CCDC163: variants seen among roughly 807,000 people sequenced by gnomAD.
The protein encoded by CCDC163 is transmembrane protein CCDC163.
CCDC163 carries 13 observed loss-of-function variants against 8.2 expected under a neutral mutation model. The ratio of observed to expected loss-of-function variants is 1.59; its 90% CI spans 1.04 to 2.54. CCDC163 has a LOEUF of 2.54. Among genes scored for constraint, CCDC163 ranks in the 30% most tolerant of loss-of-function variants. CCDC163 has a pLI of 0.00. For synonymous variants in CCDC163, 41 were observed against 30.9 expected (o/e 1.33, Z -1.08); for missense variants, 117 against 78.6 (o/e 1.49, Z -1.85).
chr1:45,499,330 AG>A lies in CCDC163; in HGVS notation c.177+14del, dbSNP rs776036471. On this transcript the variant is annotated intron_variant, in intron 2 of 4. Transcript: ENST00000629482. ...AAAGAGAAAGGGCTTGGAAGTAGAA[AG>A]AGACATTACTTACCTGCGGTGGAGA... 2.6e-6 allele frequency: 2 copies of A among 767,960 alleles called. No individual in the cohort carries two copies. Among genetic ancestry groups the A allele is most frequent in the African/African-American group, 3.4e-5 (2 of 58,912 alleles). 47.6% of individuals were successfully genotyped at this position (767,960 alleles called of 1,614,324 possible).
chr1:45,500,017 C>T lies in CCDC163; in HGVS notation c.-408G>A. ...CTTTGGACTGGCTGCCGCAGCGCCACCTGGGAAACTGAGGTCGCCTCTTGC... is the reference window on the plus strand; with the variant it reads ...CTTTGGACTGGCTGCCGCAGCGCCATCTGGGAAACTGAGGTCGCCTCTTGC... On this transcript the variant is annotated 5_prime_UTR_variant, in exon 1 of 5. The change creates a new upstream start codon in the 5' untranslated region. Coordinates refer to ENST00000629482, the MANE Select transcript of CCDC163 (RefSeq NM_001102601.3). 1.9e-6 allele frequency: 1 copy of T among 514,844 alleles called. No homozygotes were observed. Among genetic ancestry groups the T allele is most frequent in the South Asian group, 2.1e-5 (1 of 47,936 alleles). The allele number at this position is 514,844 out of a possible 1,614,324, so 31.9% of individuals were successfully genotyped here.
chr1:45,499,452 G>T lies in CCDC163; in HGVS notation c.79-9C>A, dbSNP rs375188001. 2.6e-6 allele frequency: 2 copies of T among 778,848 alleles called. No homozygotes were observed. Among genetic ancestry groups the T allele is most frequent in the Non-Finnish European group, 2.4e-6 (1 of 417,066 alleles). The allele number at this position is 778,848 out of a possible 1,614,324, so 48.2% of individuals were successfully genotyped here. On this transcript the variant is annotated splice_polypyrimidine_tract_variant and intron_variant, in intron 1 of 4. Transcript: ENST00000629482. ...AGAGGATACAGCCACTGCTACAAAA[G>T]AAACAGATGCACAGGCCAATGAACT... is the stretch of plus-strand genomic sequence containing the variant.
rs1211396425 is a variant in CCDC163, at chr1:45,499,454, A to C, written c.79-11T>G. 1.3e-6 allele frequency: 1 copy of C among 778,920 alleles called. No individual in the cohort carries two copies. Among genetic ancestry groups the C allele is most frequent in the Non-Finnish European group, 2.4e-6 (1 of 417,092 alleles). The allele number at this position is 778,920 out of a possible 1,614,324, so 48.3% of individuals were successfully genotyped here. On this transcript the variant is annotated splice_polypyrimidine_tract_variant and intron_variant, in intron 1 of 4. Transcript: ENST00000629482. ...AGGATACAGCCACTGCTACAAAAGAAACAGATGCACAGGCCAATGAACTCT... is the reference window on the plus strand; with the variant it reads ...AGGATACAGCCACTGCTACAAAAGACACAGATGCACAGGCCAATGAACTCT...
rs143936141 is a variant in CCDC163, at chr1:45,500,058, T to C, written c.-449A>G. 3.6e-6 allele frequency: 2 copies of C among 549,498 alleles called. No homozygotes were observed. Among genetic ancestry groups the C allele is most frequent in the Admixed American group, 3.1e-5 (1 of 32,648 alleles). The allele number at this position is 549,498 out of a possible 1,614,324, so 34.0% of individuals were successfully genotyped here. ...CGCCTCTTGCGAACACAACCGGCGA[T>C]GGAGGCGGTGGAACTACCTTTCTCT... On this transcript the variant is annotated 5_prime_UTR_variant, in exon 1 of 5. Transcript: ENST00000629482.
At chr1:45,495,556 G>T in intron 4 of CCDC163, 1 of 702,146 alleles carries the variant, frequency 1.4e-6, no homozygotes, top group South Asian at 1.5e-5. Flanking sequence ...CTGGAAAGGG[G>T]AACAGAACCA....
Position 45,499,604 on chromosome 1 carries a change from A to T in CCDC163, c.6T>A (p.Asn2Lys). MNTSLSWFEQLD... is the reference protein window; with the variant it reads MKTSLSWFEQLD... ...GCTGCTCAAACCAGCTGAGGCTCGTATTCATATCCTGTGGCAGGGGAGCGG... is the reference window on the plus strand; with the variant it reads ...GCTGCTCAAACCAGCTGAGGCTCGTTTTCATATCCTGTGGCAGGGGAGCGG... Residue 2 changes from asparagine (N) to lysine (K), a missense_variant, in exon 1 of 5, where the codon AAT (asparagine) becomes AAA (lysine). Transcript: ENST00000629482. 2 of 770,554 alleles carry T rather than the reference A, an allele frequency of 2.6e-6. No homozygotes were observed. The highest frequency in any genetic ancestry group is 2.8e-5 in the South Asian group (2 of 72,620). 47.7% of individuals were successfully genotyped at this position (770,554 alleles called of 1,614,324 possible).
chr1:45,496,020 A>G (rs2149315026), intron 4 of CCDC163, among the ~76,000 whole-genome samples: 1 of 152,280 alleles, frequency 6.6e-6, no homozygotes, highest in African/African-American at 2.4e-5. Context: ...TCTATCAGGT[A>G]AAGAATGCCT....
intron 2 of CCDC163, 133 bp downstream of exon 2, chr1:45,499,212 G>A: frequency 2.9e-6 from 2 of 684,762 alleles, no homozygotes; most frequent in Non-Finnish European, 2.7e-6. Context: ...AGGGTTAAGT[G>A]CAGGGTCTGT....
At chr1:45,499,479 T>C in intron 1 of CCDC163, 36 bp from the exon 2 acceptor site, 2 of 777,352 alleles carry the variant, frequency 2.6e-6, no homozygotes, top group Non-Finnish European at 4.8e-6. Flanking sequence ...CAATGAACTC[T>C]GAGAGTCCCT....
In CCDC163 at chr1:45,499,614, T is replaced by A; in HGVS notation, c.-5A>T. The A allele has an allele frequency of 1.3e-6, 1 of 765,744 alleles. No individual in the cohort carries two copies. The highest frequency in any genetic ancestry group is 2.5e-5 in the East Asian group (1 of 40,644). 47.4% of individuals were successfully genotyped at this position (765,744 alleles called of 1,614,324 possible). ...CCAGCTGAGGCTCGTATTCATATCC[T>A]GTGGCAGGGGAGCGGCAGGGGTCTG... On this transcript the variant is annotated 5_prime_UTR_variant, in exon 1 of 5. Transcript: ENST00000629482.
At position 45,499,521 on chromosome 1, in the gene CCDC163, C is replaced by A; in HGVS notation, c.78+11G>T. On this transcript the variant is annotated intron_variant, in intron 1 of 4. Coordinates refer to ENST00000629482, the MANE Select transcript of CCDC163 (RefSeq NM_001102601.3). ...CCCCACGCAAACTGGGGACCTCCACCAACCCCTCACCTTATTCCGGACCAC... is the reference window on the plus strand; with the variant it reads ...CCCCACGCAAACTGGGGACCTCCACAAACCCCTCACCTTATTCCGGACCAC... 1 of 778,786 alleles carries A rather than the reference C, an allele frequency of 1.3e-6. No homozygotes were observed. Among genetic ancestry groups the A allele is most frequent in the Non-Finnish European group, 2.4e-6 (1 of 417,026 alleles). The allele number at this position is 778,786 out of a possible 1,614,324, so 48.2% of individuals were successfully genotyped here.
At chr1:45,498,394 CAAAA>C (rs779532347) in intron 2 of CCDC163, 5 of 104,322 alleles carry the variant, frequency 4.8e-5, no homozygotes, top group East Asian at 2.7e-4. Context: ...AAAACAAACC[CAAAA>C]AAAAAAAAAA....
chr1:45,499,829 C>A lies in CCDC163; in HGVS notation c.-220G>T. 1.7e-6 allele frequency: 1 copy of A among 578,386 alleles called. No individual in the cohort carries two copies. Among genetic ancestry groups the A allele is most frequent in the South Asian group, 2.0e-5 (1 of 50,196 alleles). The allele number at this position is 578,386 out of a possible 1,614,324, so 35.8% of individuals were successfully genotyped here. ...CGCTCTTGGGGAACTGGGGGAAAAGCGGGATACCGTGATGATACGCAGATA... is the reference window on the plus strand; with the variant it reads ...CGCTCTTGGGGAACTGGGGGAAAAGAGGGATACCGTGATGATACGCAGATA... On this transcript the variant is annotated 5_prime_UTR_variant, in exon 1 of 5. Transcript: ENST00000629482.
At chr1:45,498,885 T>C (rs549766151) in intron 2 of CCDC163, among the ~76,000 whole-genome samples, 1 of 152,170 alleles carries the variant, frequency 6.6e-6, no homozygotes, top group African/African-American at 2.4e-5. Flanking sequence ...GCCTGTCACC[T>C]CCCCAGGCAG....
At chr1:45,495,507 G>A in intron 4 of CCDC163, 1 of 702,884 alleles carries the variant, frequency 1.4e-6, no homozygotes, top group South Asian at 1.5e-5. Context: ...GAAGGTAGTG[G>A]GCAGAGGCAG....
chr1:45,497,221 A>G, intron 3 of CCDC163, 78 bp downstream of exon 3: 1 of 668,746 alleles, frequency 1.5e-6, no homozygotes, highest in African/African-American at 1.8e-5. Flanking sequence ...ATAAATAAAA[A>G]TAAATAAAAG....
chr1:45,495,917 C>G lies in CCDC163; in HGVS notation c.330+639G>C, dbSNP rs183097860. 6.1e-4 allele frequency among the ~76,000 whole-genome samples: 93 copies of G among 152,282 alleles called. 2 individuals are homozygous for G. Among genetic ancestry groups the G allele is most frequent in the South Asian group, 6.0e-3 (29 of 4,826 alleles). ...AGGTGATCCGCCCACCTCGGCCTCCCAAAGTGCTGGGATTATAGGCGTGAG... is the reference window on the plus strand; with the variant it reads ...AGGTGATCCGCCCACCTCGGCCTCCGAAAGTGCTGGGATTATAGGCGTGAG... On this transcript the variant is annotated intron_variant, in intron 4 of 4. Transcript: ENST00000629482.
At chr1:45,495,378 T>A in intron 4 of CCDC163, 1 of 703,006 alleles carries the variant, frequency 1.4e-6, no homozygotes, top group Non-Finnish European at 2.6e-6. Context: ...CATTCAGATT[T>A]AGCCTCCCCC....
At position 45,499,812 on chromosome 1, in the gene CCDC163, G is replaced by C. The variant is rs1464039495; in HGVS notation, c.-203C>G. 3 of 590,004 alleles carry C rather than the reference G, an allele frequency of 5.1e-6. No homozygotes were observed. The highest frequency in any genetic ancestry group is 9.1e-6 in the Non-Finnish European group (3 of 330,934). The allele number at this position is 590,004 out of a possible 1,614,324, so 36.5% of individuals were successfully genotyped here. On this transcript the variant is annotated 5_prime_UTR_variant, in exon 1 of 5. Coordinates refer to ENST00000629482, the MANE Select transcript of CCDC163 (RefSeq NM_001102601.3). ...ACTAGGGAAAGGAAGGACGCTCTTGGGGAACTGGGGGAAAAGCGGGATACC... is the reference window on the plus strand; with the variant it reads ...ACTAGGGAAAGGAAGGACGCTCTTGCGGAACTGGGGGAAAAGCGGGATACC...
Sources: allele counts gnomAD v4.1 joint callset (sites outside exome capture counted in the v4.1 genomes callset), GRCh38; gene constraint gnomAD v4.1.1; transcripts MANE v1.5; gene names NCBI Gene and HGNC (gene_info 2026-07-23, HGNC 2026-07-21).